Variants in PHF12 observed in about 807,000 individuals in gnomAD.
PHF12 encodes the protein PHD finger protein 12, also known as PHD factor 1.
Under a neutral mutation model 99.8 loss-of-function variants are expected in PHF12, and 6 were observed. The ratio of observed to expected loss-of-function variants is 0.06; its 90% CI spans 0.03 to 0.12. PHF12 has a LOEUF of 0.12. PHF12 is among the 10% of genes least tolerant of loss of function. PHF12 has a pLI of 1.00. For synonymous variants in PHF12, 480 were observed against 514.9 expected (o/e 0.93, Z 0.92); for missense variants, 954 against 1,300.1 (o/e 0.73, Z 4.09).
chr17:28,933,595 C>T (rs1302753345), intron 2 of PHF12, among the ~76,000 whole-genome samples: 2 of 152,202 alleles, frequency 1.3e-5, no homozygotes, highest in African/African-American at 2.4e-5. Context: ...CTGGGGTACA[C>T]AGTGAAATAT....
At position 28,950,275 on chromosome 17, in the gene PHF12, C is replaced by T; in HGVS notation, c.67-29G>A. The T allele has an allele frequency of 1.3e-6, 2 of 1,583,876 alleles. No homozygotes were observed. Among genetic ancestry groups the T allele is most frequent in the South Asian group, 2.2e-5 (2 of 90,204 alleles). On this transcript the variant is annotated intron_variant, in intron 1 of 14. Transcript: ENST00000332830. The surrounding 1 kb of genome is among the most constrained non-coding windows in gnomAD (Gnocchi z 5.7). The stretch of plus-strand genomic sequence containing the variant: ...CACACACATACAAACGGCGTGTGTG[C>T]ACACTCGGAGCTCCCGGGCGGTCCG...
At chr17:28,939,788 G>T (rs1241035442) in intron 2 of PHF12, among the ~76,000 whole-genome samples, 1 of 152,160 alleles carries the variant, frequency 6.6e-6, no homozygotes, top group East Asian at 1.9e-4. Context: ...CACAAACAGG[G>T]GTCCACCTGG....
intron 2 of PHF12, among the ~76,000 whole-genome samples, chr17:28,935,849 A>G (rs2040499465): frequency 6.6e-6 from 1 of 152,184 alleles, no homozygotes; most frequent in Non-Finnish European, 1.5e-5. Context: ...TACTGCTGAG[A>G]AGGTTATCTA....
In PHF12 at chr17:28,939,262, G is replaced by A. The variant is rs1195671301; in HGVS notation, c.248+10803C>T. Among the ~76,000 whole-genome samples the A allele has an allele frequency of 2.6e-5, 4 of 152,116 alleles. No individual in the cohort carries two copies. The South Asian group carries it at 6.2e-4, about 24-fold the overall frequency. On this transcript the variant is annotated intron_variant, in intron 2 of 14. Coordinates refer to ENST00000332830, the MANE Select transcript of PHF12 (RefSeq NM_001033561.2). The stretch of plus-strand genomic sequence containing the variant: ...AACAAAAATGACAAAGCAAAACAAT[G>A]TTTATTAAAAAGCCAAAATTACTGA...
In PHF12 at chr17:28,950,161, C is replaced by T. The variant is rs749922648; in HGVS notation, c.152G>A (p.Gly51Asp). Residue 51 changes from glycine (G) to aspartate (D), a missense_variant, in exon 2 of 15, where the codon GGC (glycine) becomes GAC (aspartate). Physicochemically the swap from Gly to Asp is moderately conservative, Grantham distance 94 (BLOSUM62 -1). Transcript: ENST00000332830. The surrounding 1 kb of genome is among the most constrained non-coding windows in gnomAD (Gnocchi z 5.7). ...RKPEKEPRRS[G>D]RATNHDSCDS... ...GCAGCTGTCGTGGTTGGTGGCCCTG[C>T]CGCTTCTCCGGGGCTCCTTCTCAGG... The T allele has an allele frequency of 6.2e-7, 1 of 1,613,932 alleles. No individual in the cohort carries two copies. The highest frequency in any genetic ancestry group is 8.5e-7 in the Non-Finnish European group (1 of 1,180,008).
Position 28,950,561 on chromosome 17 carries a change from G to A in PHF12, c.67-315C>T. ...TGGGGGACTCCAAAGACCCGCTCGGGAGAGGCCCAAAGCCCGGTACCCGGA... is the reference window on the plus strand; with the variant it reads ...TGGGGGACTCCAAAGACCCGCTCGGAAGAGGCCCAAAGCCCGGTACCCGGA... On this transcript the variant is annotated intron_variant, in intron 1 of 14. Transcript: ENST00000332830. The surrounding 1 kb of genome is among the most constrained non-coding windows in gnomAD (Gnocchi z 5.7). 4 of 519,012 alleles carry A rather than the reference G, an allele frequency of 7.7e-6. No homozygotes were observed. Among genetic ancestry groups the A allele is most frequent in the Non-Finnish European group, 1.0e-5 (3 of 293,862 alleles). 32.2% of individuals were successfully genotyped at this position (519,012 alleles called of 1,614,324 possible).
At chr17:28,945,919 A>G (rs1457349637) in intron 2 of PHF12, among the ~76,000 whole-genome samples, 5 of 152,170 alleles carry the variant, frequency 3.3e-5, no homozygotes, top group Non-Finnish European at 7.3e-5. Flanking sequence ...GTGGATCATG[A>G]GGTCAGGAGT....
rs1271465385 is a variant in PHF12, at chr17:28,950,863, T to C, written c.66+32A>G. ...GAGGGCGGAGGTTCCCTCCCGGCGCTGGAGGAAGGAGATGAGGAGGGCCAC... is the reference window on the plus strand; with the variant it reads ...GAGGGCGGAGGTTCCCTCCCGGCGCCGGAGGAAGGAGATGAGGAGGGCCAC... On this transcript the variant is annotated intron_variant, in intron 1 of 14. Coordinates refer to ENST00000332830, the MANE Select transcript of PHF12 (RefSeq NM_001033561.2). The surrounding 1 kb of genome is among the most constrained non-coding windows in gnomAD (Gnocchi z 5.7). The C allele has an allele frequency of 1.2e-6, 2 of 1,610,576 alleles. No homozygotes were observed. Among genetic ancestry groups the C allele is most frequent in the African/African-American group, 1.3e-5 (1 of 74,690 alleles).
chr17:28,909,122 T>C (rs1041782576), intron 11 of PHF12: 8 of 505,128 alleles, frequency 1.6e-5, no homozygotes, highest in Admixed American at 6.6e-5. Flanking sequence ...AAGTCAGAGA[T>C]GACAGTACTG....
chr17:28,936,709 C>T (rs896526661), intron 2 of PHF12, among the ~76,000 whole-genome samples: 4 of 151,928 alleles, frequency 2.6e-5, no homozygotes, highest in Non-Finnish European at 4.4e-5. Context: ...CCTCCCCACC[C>T]TTTTTTTTGG....
chr17:28,910,219 T>TG lies in PHF12; in HGVS notation c.2359+6dup. The TG allele has an allele frequency of 1.2e-6, 2 of 1,614,236 alleles. No individual in the cohort carries two copies. The highest frequency in any genetic ancestry group is 1.7e-6 in the Non-Finnish European group (2 of 1,180,046). ...GATGATGTGGTGACAGGTGTGTACA[T>TG]GCGCACCTTCTATGTGGTGCCCTCC... is the stretch of plus-strand genomic sequence containing the variant. On this transcript the variant is annotated splice_region_variant and intron_variant, in intron 11 of 14. Transcript: ENST00000332830.
At chr17:28,910,196 T>C in intron 11 of PHF12, 30 bp downstream of exon 11, 2 of 1,614,146 alleles carry the variant, frequency 1.2e-6, no homozygotes, top group Non-Finnish European at 1.7e-6. Flanking sequence ...GGAGATCTGA[T>C]GATGTGGTGA....
Position 28,949,289 on chromosome 17 carries a change from G to A in PHF12, c.248+776C>T, listed in dbSNP as rs535531547. 8.1e-4 allele frequency among the ~76,000 whole-genome samples: 124 copies of A among 152,278 alleles called. No individual in the cohort carries two copies. The highest frequency in any genetic ancestry group is 1.4e-3 in the Non-Finnish European group (93 of 68,016). On this transcript the variant is annotated intron_variant, in intron 2 of 14. Transcript: ENST00000332830. The surrounding 1 kb of genome is among the most constrained non-coding windows in gnomAD (Gnocchi z 4.6). ...CTAACCCGGCCCGATTTCCTAAGAG[G>A]CAGCGGCGCCGGGAGGGAGGAGGGA...
intron 3 of PHF12, chr17:28,925,267 A>G (rs2040249407): frequency 6.6e-6 from 1 of 152,216 alleles, no homozygotes; most frequent in Non-Finnish European, 1.5e-5. Context: ...CATCTGTAAA[A>G]TGAGACAGAA....
At position 28,951,290 on chromosome 17, in the gene PHF12, G is replaced by C. The variant is rs1235747076; in HGVS notation, c.-330C>G. 4.4e-6 allele frequency: 5 copies of C among 1,130,596 alleles called. No individual in the cohort carries two copies. Among genetic ancestry groups the C allele is most frequent in the African/African-American group, 1.7e-5 (1 of 60,476 alleles). 70.0% of individuals were successfully genotyped at this position (1,130,596 alleles called of 1,614,324 possible). A position where few individuals can be genotyped will look rare whatever the true frequency, so the allele number is the denominator to read the frequency against. ...TGGCGACAGCCGGTCCGGCCGGGAA[G>C]GCTGGCGGGCGCTGCCATCCCGGGG... On this transcript the variant is annotated 5_prime_UTR_variant, in exon 1 of 15. Coordinates refer to ENST00000332830, the MANE Select transcript of PHF12 (RefSeq NM_001033561.2).
chr17:28,939,042 C>T (rs917398910), intron 2 of PHF12, among the ~76,000 whole-genome samples: 5 of 152,172 alleles, frequency 3.3e-5, no homozygotes, highest in Non-Finnish European at 7.4e-5. Flanking sequence ...GCGTTATTTG[C>T]TATAACAAAT....
chr17:28,931,447 G>A (rs1371797945), intron 2 of PHF12, among the ~76,000 whole-genome samples: 2 of 151,426 alleles, frequency 1.3e-5, no homozygotes, highest in Non-Finnish European at 2.9e-5. Flanking sequence ...AGTAGAGATG[G>A]GGTTTCACCA....
Position 28,915,687 on chromosome 17 carries a change from C to T in PHF12, c.1134+1598G>A, listed in dbSNP as rs79940167. Among the ~76,000 whole-genome samples the T allele has an allele frequency of 4.6e-3, 694 of 152,250 alleles. 10 individuals are homozygous for T. Among genetic ancestry groups the T allele is most frequent in the African/African-American group, 0.016 (657 of 41,528 alleles). ...GGCTAAGTGGAAGAGAAATTCGCAA[C>T]GAAGATACAAAGTTCTCAGCAGATT... is the stretch of plus-strand genomic sequence containing the variant. On this transcript the variant is annotated intron_variant, in intron 7 of 14. Transcript: ENST00000332830.
At position 28,906,793 on chromosome 17, in the gene PHF12, C is replaced by G; in HGVS notation, c.2680+63G>C. 1 of 1,532,768 alleles carries G rather than the reference C, an allele frequency of 6.5e-7. No individual in the cohort carries two copies. Among genetic ancestry groups the G allele is most frequent in the South Asian group, 1.3e-5 (1 of 79,810 alleles). 94.9% of individuals were successfully genotyped at this position (1,532,768 alleles called of 1,614,324 possible). A position where few individuals can be genotyped will look rare whatever the true frequency, so the allele number is the denominator to read the frequency against. On this transcript the variant is annotated intron_variant, in intron 14 of 14. Transcript: ENST00000332830. The surrounding 1 kb of genome is among the most constrained non-coding windows in gnomAD (Gnocchi z 4.2). ...AAGGCAAGAGACAGACCATGGGCAG[C>G]AAGTCAGAACCACCCTGACTGGGGC...
Sources: allele counts gnomAD v4.1 joint callset (sites outside exome capture counted in the v4.1 genomes callset), GRCh38; gene constraint gnomAD v4.1.1; non-coding constraint Gnocchi (gnomAD v3.1); transcripts MANE v1.5; gene names NCBI Gene and HGNC (gene_info 2026-07-23, HGNC 2026-07-21).